The following GAP43 variants were observed in gnomAD, a reference collection of about 807,000 sequenced individuals.
GAP43 encodes the protein neuromodulin.
Under a neutral mutation model 18.6 loss-of-function variants are expected in GAP43, and 6 were observed. The observed-to-expected ratio is 0.32, with a 90% confidence interval of 0.18 to 0.64. The LOEUF is 0.64. GAP43 is among the 30% of genes least tolerant of loss of function. The pLI is 0.78. For missense variants in GAP43, 292 were observed against 295.5 expected, an observed-to-expected ratio of 0.99 and a Z score of 0.09; for synonymous variants, 115 against 111.4, an observed-to-expected ratio of 1.03 and a Z score of -0.20.
At chr3:115,660,223 G>A (rs1160080304) in intron 1 of GAP43, among the ~76,000 whole-genome samples, 2 of 152,126 alleles carry the variant, frequency 1.3e-5, no homozygotes, top group Non-Finnish European at 2.9e-5. Context: ...CTGGCCAGCG[G>A]AGAAGTTTGG....
At chr3:115,623,939 A>C (rs1708149579) in intron 1 of GAP43, among the ~76,000 whole-genome samples, 1 of 152,018 alleles carries the variant, frequency 6.6e-6, no homozygotes, top group African/African-American at 2.4e-5. Flanking sequence ...GGGTAGAAAA[A>C]ACATGCCTGT....
chr3:115,673,535 G>A (rs572381246), intron 1 of GAP43, among the ~76,000 whole-genome samples: 1 of 152,216 alleles, frequency 6.6e-6, no homozygotes. Flanking sequence ...CCAAGTGCAG[G>A]TGTCCTAATA....
chr3:115,637,857 C>G (rs533945383), intron 1 of GAP43, among the ~76,000 whole-genome samples: 1 of 152,018 alleles, frequency 6.6e-6, no homozygotes, highest in East Asian at 1.9e-4. Context: ...GAAACAGAAC[C>G]CTTATATCTT....
chr3:115,688,881 A>C (rs761790135), intron 2 of GAP43, among the ~76,000 whole-genome samples: 1 of 152,194 alleles, frequency 6.6e-6, no homozygotes, highest in African/African-American at 2.4e-5. Flanking sequence ...TACTTTTTGC[A>C]ATCTGAATAC....
At chr3:115,716,825 C>T (rs1709515155) in intron 2 of GAP43, among the ~76,000 whole-genome samples, 2 of 128,620 alleles carry the variant, frequency 1.6e-5, no homozygotes, top group Admixed American at 8.9e-5. Flanking sequence ...CTAACATTTC[C>T]TTTTGTAGCC....
At chr3:115,699,235 AC>A (rs1709265981) in intron 2 of GAP43, among the ~76,000 whole-genome samples, 1 of 152,208 alleles carries the variant, frequency 6.6e-6, no homozygotes, top group South Asian at 2.1e-4. Context: ...CCTTGTCACC[AC>A]ATGTGTGAAG....
intron 2 of GAP43, among the ~76,000 whole-genome samples, chr3:115,710,027 G>A (rs1264163061): frequency 6.6e-6 from 1 of 152,096 alleles, no homozygotes; most frequent in Non-Finnish European, 1.5e-5. Flanking sequence ...GTATCCAACA[G>A]ATAGTTTCTC....
intron 1 of GAP43, among the ~76,000 whole-genome samples, chr3:115,656,895 G>A (rs1240949321): frequency 2.0e-5 from 3 of 152,050 alleles, no homozygotes; most frequent in Non-Finnish European, 4.4e-5. Context: ...ACTGGGCTTC[G>A]GAGTGTAATA....
chr3:115,712,210 T>C (rs912313104), intron 2 of GAP43, among the ~76,000 whole-genome samples: 7 of 152,248 alleles, frequency 4.6e-5, no homozygotes, highest in Admixed American at 1.3e-4. Context: ...AGAAATATTA[T>C]ATTCTGTCCT....
chr3:115,683,951 T>C (rs547895736), intron 2 of GAP43, among the ~76,000 whole-genome samples: 6 of 152,314 alleles, frequency 3.9e-5, no homozygotes, highest in Admixed American at 1.3e-4. Context: ...ATGGAAGATA[T>C]ACAAGTTAGA....
At chr3:115,689,817 A>G (rs1263990826) in intron 2 of GAP43, among the ~76,000 whole-genome samples, 1 of 152,210 alleles carries the variant, frequency 6.6e-6, no homozygotes, top group Non-Finnish European at 1.5e-5. Context: ...GAAGAGGACC[A>G]GAAATCGATC....
chr3:115,681,824 A>G (rs926486314), intron 2 of GAP43, among the ~76,000 whole-genome samples: 2 of 152,146 alleles, frequency 1.3e-5, no homozygotes, highest in African/African-American at 2.4e-5. Context: ...TTCCCTTTTT[A>G]CAAGGAGAAA....
chr3:115,659,157 A>G (rs1269110556), intron 1 of GAP43, among the ~76,000 whole-genome samples: 1 of 152,234 alleles, frequency 6.6e-6, no homozygotes, highest in South Asian at 2.1e-4. Flanking sequence ...CTTTGTCAGC[A>G]AAAGCGGACC....
intron 1 of GAP43, among the ~76,000 whole-genome samples, chr3:115,647,763 A>C (rs1418761554): frequency 2.7e-5 from 4 of 150,788 alleles, no homozygotes; most frequent in African/African-American, 9.7e-5. Flanking sequence ...AAAAACAAAA[A>C]AAAAAAACGG....
intron 1 of GAP43, among the ~76,000 whole-genome samples, chr3:115,666,896 A>G (rs903271643): frequency 4.6e-5 from 7 of 152,180 alleles, no homozygotes; most frequent in African/African-American, 1.2e-4. Flanking sequence ...TGTTCCTCAC[A>G]TGATCATGAT....
intron 2 of GAP43, among the ~76,000 whole-genome samples, chr3:115,712,262 A>G (rs1039339730): frequency 4.6e-5 from 7 of 152,158 alleles, no homozygotes; most frequent in Non-Finnish European, 1.0e-4. Flanking sequence ...AGTCACTCAT[A>G]TCTTTATTTT....
intron 1 of GAP43, among the ~76,000 whole-genome samples, chr3:115,673,399 C>G (rs1708839013): frequency 6.6e-6 from 1 of 152,152 alleles, no homozygotes; most frequent in African/African-American, 2.4e-5. Flanking sequence ...AGACAGAGCT[C>G]TAAAATGTTA....
chr3:115,699,944 T>G (rs1338297083), intron 2 of GAP43, among the ~76,000 whole-genome samples: 2 of 152,162 alleles, frequency 1.3e-5, no homozygotes, highest in Non-Finnish European at 2.9e-5. Flanking sequence ...TCAGGGGAAT[T>G]ACATGCCTGT....
At chr3:115,628,603 G>T (rs1275173268) in intron 1 of GAP43, among the ~76,000 whole-genome samples, 1 of 152,062 alleles carries the variant, frequency 6.6e-6, no homozygotes, top group Non-Finnish European at 1.5e-5. Flanking sequence ...ATTTTGTGTT[G>T]TTGTCAATCC....
Sources: allele counts gnomAD v4.1 joint callset (sites outside exome capture counted in the v4.1 genomes callset), GRCh38; gene constraint gnomAD v4.1.1; transcripts MANE v1.5; gene names NCBI Gene and HGNC (gene_info 2026-07-23, HGNC 2026-07-21).